The following SEC63 variants were observed in gnomAD, a reference collection of about 807,000 sequenced individuals.
SEC63 encodes SEC63 protein translocation regulator.
A neutral mutation model predicts 116.2 loss-of-function variants in SEC63; 56 were observed. That is an observed-to-expected ratio of 0.48 (90% confidence interval 0.39 to 0.60). The LOEUF is 0.60. Among genes scored for constraint, SEC63 ranks in the 20% least tolerant of loss-of-function variants. SEC63 has a pLI of 0.00. For missense variants in SEC63, 668 were observed against 900.0 expected, an observed-to-expected ratio of 0.74 and a Z score of 3.30; for synonymous variants, 273 against 294.6, an observed-to-expected ratio of 0.93 and a Z score of 0.75.
chr6:107,929,681 G>C (rs974848476), intron 1 of SEC63, among the ~76,000 whole-genome samples, 167 bp from the exon 2 acceptor site: 4 of 152,108 alleles, frequency 2.6e-5, no homozygotes, highest in Non-Finnish European at 5.9e-5. Context: ...AGGTTAAATT[G>C]TCTGCCATTT....
intron 7 of SEC63, among the ~76,000 whole-genome samples, chr6:107,909,769 A>G (rs1457395366): frequency 6.6e-6 from 1 of 152,220 alleles, no homozygotes; most frequent in Non-Finnish European, 1.5e-5. Context: ...ATTACTTAAT[A>G]TGATTGGATT....
intron 10 of SEC63, among the ~76,000 whole-genome samples, chr6:107,905,403 G>C (rs944262963): frequency 6.6e-6 from 1 of 152,036 alleles, no homozygotes; most frequent in South Asian, 2.1e-4. Context: ...CCTTGTTTTC[G>C]GAAGCATTTA....
At chr6:107,900,182 T>C (rs1450497610) in intron 13 of SEC63, among the ~76,000 whole-genome samples, 1 of 152,028 alleles carries the variant, frequency 6.6e-6, no homozygotes, top group Non-Finnish European at 1.5e-5. Flanking sequence ...TTTAATTTTA[T>C]AAAGACAGGG....
intron 2 of SEC63, among the ~76,000 whole-genome samples, chr6:107,926,214 T>C (rs1029610293): frequency 6.6e-6 from 1 of 152,236 alleles, no homozygotes; most frequent in Non-Finnish European, 1.5e-5. Context: ...CAAAACTCTA[T>C]GTATATAAAA....
chr6:107,932,388 G>C (rs993291042), intron 1 of SEC63: 2 of 152,194 alleles, frequency 1.3e-5, no homozygotes, highest in Non-Finnish European at 2.9e-5. Flanking sequence ...CACCAGGTAA[G>C]AAGTCCAACT....
chr6:107,957,518 G>C (rs1016549372), intron 1 of SEC63: 2 of 163,160 alleles, frequency 1.2e-5, no homozygotes, highest in Non-Finnish European at 2.6e-5. Flanking sequence ...CGCACGTTCA[G>C]TCTCTTCTTG....
At chr6:107,926,772 A>T (rs990517608) in intron 2 of SEC63, among the ~76,000 whole-genome samples, 4 of 152,150 alleles carry the variant, frequency 2.6e-5, no homozygotes, top group Admixed American at 1.3e-4. Context: ...AGGCAAAAGG[A>T]ACAAAACACC....
Position 107,871,307 on chromosome 6 carries a change from C to T in SEC63, c.*397G>A, listed in dbSNP as rs1053725913. The T allele has an allele frequency of 5.0e-6, 1 of 199,520 alleles. No individual in the cohort carries two copies. 12.4% of individuals were successfully genotyped at this position (199,520 alleles called of 1,614,324 possible). A position where few individuals can be genotyped will look rare whatever the true frequency, so the allele number is the denominator to read the frequency against. ...TAAACTTGAGCGATGTTACTTAAAA[C>T]ATATTTGTGGTGTTTGCTAAAACTA... On this transcript the variant is annotated 3_prime_UTR_variant, in exon 21 of 21. Transcript: ENST00000369002.
At chr6:107,929,660 A>G in intron 1 of SEC63, 146 bp from the exon 2 acceptor site, 1 of 611,120 alleles carries the variant, frequency 1.6e-6, no homozygotes, top group East Asian at 2.8e-5. Context: ...CCTTTAAAAA[A>G]CTTACAAGAT....
At chr6:107,940,602 T>C (rs898786205) in intron 1 of SEC63, among the ~76,000 whole-genome samples, 1 of 125,040 alleles carries the variant, frequency 8.0e-6, no homozygotes, top group Non-Finnish European at 1.9e-5. Context: ...AAATTGCCCC[T>C]GATTTAAAGT....
At chr6:107,921,125 T>C (rs1240873885) in intron 4 of SEC63, among the ~76,000 whole-genome samples, 2 of 152,014 alleles carry the variant, frequency 1.3e-5, no homozygotes, top group Non-Finnish European at 2.9e-5. Flanking sequence ...AAAGTCCAAA[T>C]TAAACTTGTC....
intron 1 of SEC63, among the ~76,000 whole-genome samples, chr6:107,955,306 GC>G: frequency 6.6e-6 from 1 of 152,202 alleles, no homozygotes; most frequent in East Asian, 1.9e-4. Flanking sequence ...GGAATTACAG[GC>G]GTCCGCCACC....
chr6:107,907,599 G>T (rs1787174510), intron 8 of SEC63, among the ~76,000 whole-genome samples: 1 of 152,128 alleles, frequency 6.6e-6, no homozygotes, highest in Non-Finnish European at 1.5e-5. Context: ...AAAAATCCAT[G>T]TAATGTACTC....
chr6:107,951,900 G>A (rs1034156666), intron 1 of SEC63, among the ~76,000 whole-genome samples: 2 of 151,340 alleles, frequency 1.3e-5, no homozygotes, highest in East Asian at 3.9e-4. Context: ...GTGAACCCAG[G>A]AGGCAGACCT....
intron 1 of SEC63, 181 bp downstream of exon 1, chr6:107,957,705 G>T (rs1217217238): frequency 2.1e-6 from 1 of 469,906 alleles, no homozygotes; most frequent in South Asian, 7.4e-5. Context: ...AGGTGGAGAA[G>T]CGCCGAGGGA....
intron 1 of SEC63, among the ~76,000 whole-genome samples, chr6:107,932,894 G>T (rs911417559): frequency 1.1e-4 from 16 of 152,034 alleles, no homozygotes; most frequent in African/African-American, 3.9e-4. Context: ...GGAAACGAAT[G>T]ACTTTGCAGT....
At chr6:107,954,093 C>T (rs372469288) in intron 1 of SEC63, among the ~76,000 whole-genome samples, 10 of 152,268 alleles carry the variant, frequency 6.6e-5, no homozygotes, top group South Asian at 4.1e-4. Context: ...GAGGTAGACA[C>T]GGGAGACTTT....
At chr6:107,953,622 G>A (rs1205344030) in intron 1 of SEC63, among the ~76,000 whole-genome samples, 8 of 138,880 alleles carry the variant, frequency 5.8e-5, no homozygotes, top group Non-Finnish European at 6.2e-5. Flanking sequence ...GGTGAGGGGC[G>A]CCTCTGCCCG....
At chr6:107,885,447 T>C (rs1470024735) in intron 16 of SEC63, among the ~76,000 whole-genome samples, 1 of 152,184 alleles carries the variant, frequency 6.6e-6, no homozygotes, top group Non-Finnish European at 1.5e-5. Flanking sequence ...TAACGAAAGA[T>C]GTGCCATACC....
Sources: allele counts gnomAD v4.1 joint callset (sites outside exome capture counted in the v4.1 genomes callset), GRCh38; gene constraint gnomAD v4.1.1; transcripts MANE v1.5; gene names NCBI Gene and HGNC (gene_info 2026-07-23, HGNC 2026-07-21).